The following PGAP1 variants were observed in gnomAD, a reference collection of about 807,000 sequenced individuals.
PGAP1 encodes post-GPI attachment to proteins inositol deacylase 1.
In PGAP1, 76 loss-of-function variants were observed where a neutral mutation model predicts 127.0. That is an observed-to-expected ratio of 0.60 (90% CI 0.50 to 0.72). The LOEUF is 0.72. Among genes scored for constraint, PGAP1 ranks in the 30% least tolerant of loss-of-function variants. The pLI, the probability that PGAP1 is intolerant of heterozygous loss-of-function variation, is 0.00. For synonymous variants in PGAP1, 362 were observed against 366.5 expected (o/e 0.99, Z 0.14); for missense variants, 982 against 1,071.3 (o/e 0.92, Z 1.16).
intron 23 of PGAP1, among the ~76,000 whole-genome samples, chr2:196,845,573 G>T (rs1700533338): frequency 6.7e-6 from 1 of 148,760 alleles, no homozygotes; most frequent in Non-Finnish European, 1.5e-5. Context: ...AATATAAACT[G>T]CCCTAGTGAA....
At chr2:196,912,324 A>C (rs967015541) in intron 4 of PGAP1, among the ~76,000 whole-genome samples, 3 of 152,138 alleles carry the variant, frequency 2.0e-5, no homozygotes, top group Non-Finnish European at 4.4e-5. Flanking sequence ...CTTAAGAGAC[A>C]GGGTACCATC....
chr2:196,898,615 C>T (rs1702368026), intron 5 of PGAP1, among the ~76,000 whole-genome samples: 1 of 152,016 alleles, frequency 6.6e-6, no homozygotes, highest in African/African-American at 2.4e-5. Context: ...GTTTAAATTA[C>T]CATTTAAAAA....
intron 20 of PGAP1, among the ~76,000 whole-genome samples, chr2:196,848,727 T>C (rs750201033): frequency 6.6e-6 from 1 of 152,232 alleles, no homozygotes; most frequent in Non-Finnish European, 1.5e-5. Flanking sequence ...TTGGGTTGTT[T>C]CTGCTTTTTG....
chr2:196,846,854 CA>C, intron 22 of PGAP1, 148 bp downstream of exon 22: 1 of 611,968 alleles, frequency 1.6e-6, no homozygotes. Flanking sequence ...CTTTCACAGA[CA>C]TAACTTTGAA....
Position 196,884,565 on chromosome 2 carries a change from G to C in PGAP1, c.1272+859C>G, listed in dbSNP as rs186896955. Among the ~76,000 whole-genome samples, 385 of 152,236 alleles carry C rather than the reference G, an allele frequency of 2.5e-3. 3 individuals are homozygous for C. Among genetic ancestry groups the C allele is most frequent in the African/African-American group, 9.1e-3 (378 of 41,544 alleles). On this transcript the variant is annotated intron_variant, in intron 12 of 26. Transcript: ENST00000354764. ...AGCATAAGTTTCTCATTCTCTGTTTGTATAGTATAGAGTTGACTATTCATA... is the reference window on the plus strand; with the variant it reads ...AGCATAAGTTTCTCATTCTCTGTTTCTATAGTATAGAGTTGACTATTCATA...
At chr2:196,854,795 G>A (rs7568550) in intron 20 of PGAP1, among the ~76,000 whole-genome samples, 17,095 of 151,466 alleles carry the variant, frequency 0.11, 1,239 homozygotes, top group African/African-American at 0.21. Context: ...TTTCTCCTTT[G>A]AAGACAGGGT....
intron 4 of PGAP1, among the ~76,000 whole-genome samples, chr2:196,912,580 T>TAAAAA (rs531959600): frequency 9.7e-5 from 8 of 82,476 alleles, no homozygotes; most frequent in African/African-American, 3.1e-4. Flanking sequence ...ACCCTGTCTT[T>TAAAAA]AAAAAAAAAA....
At chr2:196,922,838 C>T (rs1413711967) in intron 1 of PGAP1, among the ~76,000 whole-genome samples, 2 of 151,522 alleles carry the variant, frequency 1.3e-5, no homozygotes, top group Admixed American at 6.6e-5. Flanking sequence ...CACATGCCAT[C>T]ACACTTGGCT....
rs531959600 is a variant in PGAP1 at position 196,912,580 on chromosome 2, TA to T, written c.649+301del. On this transcript the variant is annotated intron_variant, in intron 4 of 26. Coordinates refer to ENST00000354764, the MANE Select transcript of PGAP1 (RefSeq NM_024989.4). ...GGGAGAAAGAGCAAGACCCTGTCTTTAAAAAAAAAAAAAAAAAAAAAAAAAA... is the reference window on the plus strand; with the variant it reads ...GGGAGAAAGAGCAAGACCCTGTCTTTAAAAAAAAAAAAAAAAAAAAAAAAA... 0.015 allele frequency among the ~76,000 whole-genome samples: 1,257 copies of T among 82,462 alleles called. 6 individuals are homozygous for T. The highest frequency in any genetic ancestry group is 0.029 in the Middle Eastern group (4 of 136). The allele number at this position is 82,462 out of a possible 152,430, so 54.1% of individuals were successfully genotyped here.
chr2:196,892,307 G>A, intron 9 of PGAP1, 39 bp downstream of exon 9: 1 of 1,006,166 alleles, frequency 9.9e-7, no homozygotes, highest in Non-Finnish European at 1.5e-6. Flanking sequence ...ATTATTTCTG[G>A]AAAAAACATG....
intron 19 of PGAP1, among the ~76,000 whole-genome samples, chr2:196,866,958 T>A (rs569237445): frequency 6.6e-6 from 1 of 152,186 alleles, no homozygotes; most frequent in South Asian, 2.1e-4. Flanking sequence ...CCAGTTAGAA[T>A]GGCGATCATT....
chr2:196,849,455 TA>T (rs1189208838), intron 20 of PGAP1, among the ~76,000 whole-genome samples: 1 of 150,712 alleles, frequency 6.6e-6, no homozygotes, highest in Non-Finnish European at 1.5e-5. Flanking sequence ...TTTTTTTTTT[TA>T]GTAGAGACGG....
chr2:196,900,463 G>A (rs1702448648), intron 5 of PGAP1, among the ~76,000 whole-genome samples: 5 of 152,166 alleles, frequency 3.3e-5, no homozygotes, highest in Admixed American at 3.3e-4. Flanking sequence ...AATTGTTACT[G>A]TTAATAACTT....
chr2:196,879,928 T>A, intron 13 of PGAP1, 148 bp downstream of exon 13: 2 of 586,152 alleles, frequency 3.4e-6, no homozygotes. Flanking sequence ...TTAGAGTAGA[T>A]GATCCTAATA....
chr2:196,897,254 C>A, intron 6 of PGAP1, 57 bp from the exon 7 acceptor site: 4 of 1,051,174 alleles, frequency 3.8e-6, no homozygotes, highest in South Asian at 3.2e-5. Context: ...TACTTTTGAT[C>A]AAAATATGCA....
At position 196,864,415 on chromosome 2, in the gene PGAP1, A is replaced by AAC. The variant is rs1188656265; in HGVS notation, c.1861+571_1861+572insGT. ...CAAAAAAAAAAAAAAAAAAAAAAAA[A>AAC]GGCATTTGATAATATTAGGGCACTA... On this transcript the variant is annotated intron_variant, in intron 20 of 26. Transcript: ENST00000354764. Among the ~76,000 whole-genome samples, 344 of 149,366 alleles carry AAC rather than the reference A, an allele frequency of 2.3e-3. 4 individuals are homozygous for AAC. Among genetic ancestry groups the AAC allele is most frequent in the African/African-American group, 7.9e-3 (319 of 40,344 alleles).
At chr2:196,873,941 T>G (rs868731685) in intron 14 of PGAP1, 183 bp from the exon 15 acceptor site, 44 of 486,126 alleles carry the variant, frequency 9.1e-5, no homozygotes, top group South Asian at 7.7e-4. Context: ...CAAAATAAAT[T>G]TTATTACTTC....
intron 18 of PGAP1, among the ~76,000 whole-genome samples, chr2:196,871,613 G>A (rs1224706652): frequency 1.3e-5 from 2 of 152,042 alleles, no homozygotes; most frequent in African/African-American, 2.4e-5. Flanking sequence ...TTAGAAACAG[G>A]ATGCAAGATA....
chr2:196,874,183 A>C (rs1476177133), intron 14 of PGAP1, among the ~76,000 whole-genome samples: 1 of 152,112 alleles, frequency 6.6e-6, no homozygotes, highest in Non-Finnish European at 1.5e-5. Flanking sequence ...TCATAAATAA[A>C]ATGTAAAAAA....
Sources: gnomAD v4.1 joint callset for allele counts (sites outside exome capture counted in the v4.1 genomes callset) on GRCh38, gnomAD v4.1.1 for gene constraint, MANE v1.5 for transcripts, NCBI Gene and HGNC (gene_info 2026-07-23, HGNC 2026-07-21) for gene names.